The following BST1 variants were observed in gnomAD, a reference collection of about 807,000 sequenced individuals.
The protein encoded by BST1 is ADP-ribosyl cyclase/cyclic ADP-ribose hydrolase 2.
BST1 carries 49 observed loss-of-function variants against 40.6 expected under a neutral mutation model. That is an observed-to-expected ratio of 1.21 (90% CI 0.96 to 1.53). The LOEUF (loss-of-function observed/expected upper bound fraction) is 1.53, where lower values mean the gene tolerates loss of function less well. Among genes scored for constraint, BST1 ranks in the 40% most tolerant of loss-of-function variants. BST1 has a pLI of 0.00. For missense variants in BST1, 423 were observed against 395.9 expected (o/e 1.07, Z -0.58); for synonymous variants, 157 against 159.3 (o/e 0.99, Z 0.11).
the BST1 span, among the ~76,000 whole-genome samples, chr4:15,754,062 G>T: frequency 1.3e-5 from 2 of 152,198 alleles, no homozygotes; most frequent in African/African-American, 2.4e-5. Flanking sequence ...GAGGCTGGAA[G>T]ATCTGGAAGG....
At chr4:15,736,217 A>G (rs1436515707), downstream of BST1, 3 of 988,294 alleles carry the variant, frequency 3.0e-6, no homozygotes, top group South Asian at 1.4e-5. Context: ...AACTTCCACA[A>G]TGCTGCCAGA....
intron 3 of BST1, 152 bp from the exon 4 acceptor site, chr4:15,711,655 T>C (rs1329826738): frequency 3.2e-6 from 2 of 620,370 alleles, no homozygotes; most frequent in East Asian, 2.9e-5. Context: ...TCCTTGTGGA[T>C]TGAGTGGGAA....
At chr4:15,748,699 A>G in the BST1 span, among the ~76,000 whole-genome samples, 1 of 152,176 alleles carries the variant, frequency 6.6e-6, no homozygotes, top group Admixed American at 6.5e-5. Context: ...GTTGAGGGCC[A>G]TTGAGGTCTT....
At chr4:15,770,028 C>T in the BST1 span, among the ~76,000 whole-genome samples, 4 of 152,202 alleles carry the variant, frequency 2.6e-5, no homozygotes, top group Admixed American at 6.5e-5. Context: ...TCAGTAGAGA[C>T]GTGGTTTCAC....
downstream of BST1, among the ~76,000 whole-genome samples, chr4:15,735,663 T>C (rs1484923855): frequency 6.6e-6 from 1 of 152,174 alleles, no homozygotes; most frequent in East Asian, 1.9e-4. Context: ...TCATAATTCA[T>C]GGTTTGTCTC....
chr4:15,715,772 T>C lies in BST1; in HGVS notation c.677T>C (p.Val226Ala), dbSNP rs1459143105. The change falls in exon 6 of 9, where the codon GTT becomes GCT. Residue 226 changes from valine to alanine, a missense_variant. Coordinates refer to ENST00000265016, the MANE Select transcript of BST1 (RefSeq NM_004334.3). ...KEKITRIEIW[V>A]MHEIGGPNVE... ...AAAATTACACGAATCGAGATCTGGG[T>C]TATGCATGAAATTGGGGGACCCAAT... is the stretch of plus-strand genomic sequence containing the variant. 6.3e-7 allele frequency: 1 copy of C among 1,595,760 alleles called. No homozygotes were observed. The highest frequency in any genetic ancestry group is 1.8e-5 in the Admixed American group (1 of 54,940).
chr4:15,705,700 T>C (rs1183702854), intron 2 of BST1, 59 bp downstream of exon 2: 20 of 1,590,072 alleles, frequency 1.3e-5, no homozygotes, highest in Non-Finnish European at 1.7e-5. Flanking sequence ...AAATGGATGG[T>C]GCATGGGCCA....
rs1560285712 is a variant in BST1 at position 15,724,506 on chromosome 4, G to T, written c.851+1572G>T. 2.0e-5 allele frequency among the ~76,000 whole-genome samples: 3 copies of T among 152,158 alleles called. No homozygotes were observed. The South Asian group carries it at 6.2e-4, about 32-fold the overall frequency. Reference sequence around the variant, plus strand: ...GTTCAAGACCTGCCTGACCAACATGGTGAAACCCCATCTCTACTAAATACA... The same window carrying T: ...GTTCAAGACCTGCCTGACCAACATGTTGAAACCCCATCTCTACTAAATACA... On this transcript the variant is annotated intron_variant, in intron 8 of 8. Coordinates refer to ENST00000265016, the MANE Select transcript of BST1 (RefSeq NM_004334.3).
intron 8 of BST1, chr4:15,731,096 C>A: frequency 2.2e-6 from 1 of 459,276 alleles, no homozygotes; most frequent in Admixed American, 2.7e-5. Context: ...CACACAAGCT[C>A]ATTGTCTGTC....
rs4336219 is a variant in BST1 at position 15,731,485 on chromosome 4, G to C, written c.852-255G>C. ...TTAAGCCTGACGGTGCCCGAGAAGC[G>C]CTTGTCCTTCTGGGGAGTCATAGTT... On this transcript the variant is annotated intron_variant, in intron 8 of 8. Coordinates refer to ENST00000265016, the MANE Select transcript of BST1 (RefSeq NM_004334.3). 5 of 960,998 alleles carry C rather than the reference G, an allele frequency of 5.2e-6. No individual in the cohort carries two copies. The African/African-American group carries it at 6.5e-5, about 13-fold the overall frequency. 59.5% of individuals were successfully genotyped at this position (960,998 alleles called of 1,614,324 possible). A position where few individuals can be genotyped will look rare whatever the true frequency, so the allele number is the denominator to read the frequency against.
At chr4:15,770,086 C>A in the BST1 span, among the ~76,000 whole-genome samples, 1 of 152,174 alleles carries the variant, frequency 6.6e-6, no homozygotes, top group Non-Finnish European at 1.5e-5. Context: ...GTGATCCGCC[C>A]ACCTTGGCCT....
downstream of BST1, among the ~76,000 whole-genome samples, chr4:15,741,572 A>G (rs1721744509): frequency 2.0e-5 from 3 of 152,342 alleles, no homozygotes; most frequent in South Asian, 6.2e-4. Flanking sequence ...TCAATGGCCC[A>G]TAGCAGGGGC....
chr4:15,742,560 T>G (rs1721771607), downstream of BST1, among the ~76,000 whole-genome samples: 1 of 152,248 alleles, frequency 6.6e-6, no homozygotes, highest in South Asian at 2.1e-4. Flanking sequence ...GGCTCAGGTA[T>G]TCTGTTACAG....
the BST1 span, among the ~76,000 whole-genome samples, chr4:15,757,419 C>G: frequency 6.6e-6 from 1 of 152,080 alleles, no homozygotes; most frequent in East Asian, 1.9e-4. Context: ...AGGTCAAATA[C>G]CAGCTCCACT....
chr4:15,707,748 T>C, intron 3 of BST1, 102 bp downstream of exon 3: 1 of 1,401,042 alleles, frequency 7.1e-7, no homozygotes, highest in Non-Finnish European at 9.7e-7. Context: ...CACTTGATCC[T>C]CTCCAAGTCC....
At chr4:15,757,382 G>C in the BST1 span, among the ~76,000 whole-genome samples, 1,689 of 152,206 alleles carry the variant, frequency 0.011, 30 homozygotes, top group African/African-American at 0.038. Context: ...CTCCCTGCAC[G>C]AACTGCAGTG....
chr4:15,703,936 G>T (rs773971429), intron 1 of BST1, among the ~76,000 whole-genome samples: 13 of 148,330 alleles, frequency 8.8e-5, no homozygotes, highest in Non-Finnish European at 1.6e-4. Context: ...GTATTCTAGA[G>T]GTGAGGGGTG....
chr4:15,716,495 T>TGC (rs1215435161), intron 6 of BST1, among the ~76,000 whole-genome samples: 25 of 152,326 alleles, frequency 1.6e-4, no homozygotes, highest in African/African-American at 6.0e-4. Context: ...AAGGTATTAC[T>TGC]AACCCCAAGG....
chr4:15,728,080 G>A (rs1435400123), intron 8 of BST1, among the ~76,000 whole-genome samples: 1 of 151,938 alleles, frequency 6.6e-6, no homozygotes, highest in East Asian at 1.9e-4. Context: ...TGAGAAAACA[G>A]ACATATAGTA....
Sources: allele counts gnomAD v4.1 joint callset (sites outside exome capture counted in the v4.1 genomes callset), GRCh38; gene constraint gnomAD v4.1.1; transcripts MANE v1.5; gene names NCBI Gene and HGNC (gene_info 2026-07-23, HGNC 2026-07-21).